The following WDFY2 variants were observed in gnomAD, a reference collection of about 807,000 sequenced individuals.
The protein encoded by WDFY2 is WD repeat and FYVE domain-containing protein 2.
A neutral mutation model predicts 56.4 loss-of-function variants in WDFY2; 36 were observed. The ratio of observed to expected loss-of-function variants is 0.64; its 90% CI spans 0.49 to 0.84. WDFY2 has a LOEUF of 0.84. WDFY2 is among the 40% of genes least tolerant of loss of function. The pLI is 0.00. For synonymous variants in WDFY2, 176 were observed against 183.7 expected, an observed-to-expected ratio of 0.96 and a Z score of 0.34; for missense variants, 444 against 512.2, an observed-to-expected ratio of 0.87 and a Z score of 1.29.
chr13:51,749,985 TAGG>T (rs1320595431), intron 7 of WDFY2, among the ~76,000 whole-genome samples: 3 of 152,186 alleles, frequency 2.0e-5, no homozygotes, highest in Admixed American at 6.5e-5. Flanking sequence ...TGAATAAATT[TAGG>T]AGAAGTAAAA....
At chr13:51,648,342 G>T (rs544824335) in intron 1 of WDFY2, among the ~76,000 whole-genome samples, 22 of 152,268 alleles carry the variant, frequency 1.4e-4, no homozygotes, top group Admixed American at 1.2e-3. Flanking sequence ...GCAGTCAGAG[G>T]ACTTTCTGAC....
intron 1 of WDFY2, among the ~76,000 whole-genome samples, chr13:51,585,699 T>C (rs1310745176): frequency 1.3e-5 from 2 of 152,226 alleles, no homozygotes; most frequent in Non-Finnish European, 2.9e-5. Flanking sequence ...GTAAAATCTA[T>C]ATAAGCATTC....
chr13:51,695,412 C>G (rs749152204), intron 3 of WDFY2, among the ~76,000 whole-genome samples: 1 of 152,210 alleles, frequency 6.6e-6, no homozygotes, highest in Non-Finnish European at 1.5e-5. Flanking sequence ...ACAGGACCCT[C>G]AGCTGTATGT....
At position 51,756,323 on chromosome 13, in the gene WDFY2, C is replaced by G. The variant is rs1237417613; in HGVS notation, c.934-9C>G. 1 of 1,611,234 alleles carries G rather than the reference C, an allele frequency of 6.2e-7. No homozygotes were observed. On this transcript the variant is annotated splice_polypyrimidine_tract_variant and intron_variant, in intron 9 of 11. Transcript: ENST00000298125. ...CGTGATGAGTATCTATTTTATCTCCCTCCTCCAGCACCACTGCCGCAAGTG... is the reference window on the plus strand; with the variant it reads ...CGTGATGAGTATCTATTTTATCTCCGTCCTCCAGCACCACTGCCGCAAGTG...
At chr13:51,720,943 TCTC>T (rs1952474488) in intron 5 of WDFY2, among the ~76,000 whole-genome samples, 1 of 49,822 alleles carries the variant, frequency 2.0e-5, no homozygotes, top group Non-Finnish European at 4.2e-5. Context: ...CATTCTGTCT[TCTC>T]TCTCTCTCTC....
At chr13:51,740,216 T>C (rs1447518358) in intron 7 of WDFY2, among the ~76,000 whole-genome samples, 1 of 152,230 alleles carries the variant, frequency 6.6e-6, no homozygotes, top group Admixed American at 6.5e-5. Flanking sequence ...TTTTAGAATT[T>C]AGTGTTAGAG....
At chr13:51,586,625 G>A (rs1017531913) in intron 1 of WDFY2, 2 of 152,060 alleles carry the variant, frequency 1.3e-5, no homozygotes, top group African/African-American at 4.8e-5. Flanking sequence ...CTTTACTGGG[G>A]TATATTTTCA....
chr13:51,750,715 G>C (rs1953214223), intron 7 of WDFY2, among the ~76,000 whole-genome samples: 1 of 152,076 alleles, frequency 6.6e-6, no homozygotes, highest in Non-Finnish European at 1.5e-5. Flanking sequence ...AAATAAAACA[G>C]AATCAGGAGA....
chr13:51,588,116 G>C (rs1953978840), intron 1 of WDFY2: 1 of 152,234 alleles, frequency 6.6e-6, no homozygotes, highest in African/African-American at 2.4e-5. Context: ...GTTGTAGTTA[G>C]ATTATATACC....
chr13:51,619,487 C>T (rs1298981752), intron 1 of WDFY2, among the ~76,000 whole-genome samples: 2 of 151,856 alleles, frequency 1.3e-5, no homozygotes, highest in African/African-American at 2.4e-5. Context: ...GAAGATATTT[C>T]CATCCCCTAT....
chr13:51,739,395 CATAAA>C (rs1952914195), intron 7 of WDFY2, among the ~76,000 whole-genome samples: 1 of 151,078 alleles, frequency 6.6e-6, no homozygotes, highest in South Asian at 2.1e-4. Flanking sequence ...TTACAAAAAC[CATAAA>C]ATAAAGTAAT....
At chr13:51,625,151 G>T (rs934368496) in intron 1 of WDFY2, among the ~76,000 whole-genome samples, 1 of 152,326 alleles carries the variant, frequency 6.6e-6, no homozygotes, top group East Asian at 1.9e-4. Context: ...AGTAGGAGAC[G>T]TAAAAGTGGC....
intron 2 of WDFY2, among the ~76,000 whole-genome samples, chr13:51,664,429 C>T (rs79967815): frequency 1.3e-5 from 2 of 152,072 alleles, no homozygotes; most frequent in East Asian, 1.9e-4. Context: ...AGCTGTGAGG[C>T]GTTTGTGTGC....
chr13:51,668,512 C>T (rs1480135063), intron 2 of WDFY2, among the ~76,000 whole-genome samples: 1 of 152,156 alleles, frequency 6.6e-6, no homozygotes, highest in Admixed American at 6.5e-5. Context: ...TATAGGTATG[C>T]TTAATAAAAT....
At chr13:51,635,773 T>C (rs1180398975) in intron 1 of WDFY2, among the ~76,000 whole-genome samples, 1 of 152,214 alleles carries the variant, frequency 6.6e-6, no homozygotes, top group Non-Finnish European at 1.5e-5. Flanking sequence ...GATTAAATGA[T>C]ACAAAGCAAA....
intron 4 of WDFY2, among the ~76,000 whole-genome samples, chr13:51,704,961 G>A (rs1359486135): frequency 6.6e-6 from 1 of 152,170 alleles, no homozygotes; most frequent in East Asian, 1.9e-4. Flanking sequence ...GTGTGGGCTA[G>A]ACCTAGAATA....
chr13:51,651,189 A>C (rs529515324), intron 1 of WDFY2, among the ~76,000 whole-genome samples: 1 of 152,330 alleles, frequency 6.6e-6, no homozygotes, highest in South Asian at 2.1e-4. Flanking sequence ...TAGATTTTCT[A>C]GTATATTTGC....
chr13:51,611,188 G>A (rs1954495448), intron 1 of WDFY2, among the ~76,000 whole-genome samples: 1 of 152,186 alleles, frequency 6.6e-6, no homozygotes, highest in Non-Finnish European at 1.5e-5. Flanking sequence ...CTTACATACT[G>A]CCTGGTACAT....
chr13:51,588,793 A>G (rs1953991906), intron 1 of WDFY2: 2 of 152,214 alleles, frequency 1.3e-5, no homozygotes, highest in Admixed American at 1.3e-4. Context: ...AGGAATCTGG[A>G]AATTAGTGTC....
Sources: allele counts gnomAD v4.1 joint callset (sites outside exome capture counted in the v4.1 genomes callset), GRCh38; gene constraint gnomAD v4.1.1; transcripts MANE v1.5; gene names NCBI Gene and HGNC (gene_info 2026-07-23, HGNC 2026-07-21).